Variants in POGLUT2 observed in about 807,000 individuals in gnomAD.
POGLUT2 encodes protein O-glucosyltransferase 2.
Under a neutral mutation model 57.6 loss-of-function variants are expected in POGLUT2, and 47 were observed. The ratio of observed to expected loss-of-function variants is 0.82; its 90% confidence interval spans 0.65 to 1.04. The LOEUF is 1.04. POGLUT2 is among the 50% of genes least tolerant of loss of function. The pLI is 0.00. For missense variants in POGLUT2, 565 were observed against 614.8 expected, an observed-to-expected ratio of 0.92 and a Z score of 0.86; for synonymous variants, 200 against 218.8, an observed-to-expected ratio of 0.91 and a Z score of 0.76.
At position 102,784,478 on chromosome 13, in the gene POGLUT2, A is replaced by G. The variant is rs757693702; in HGVS notation, c.*17T>C. 3 of 1,495,960 alleles carry G rather than the reference A, an allele frequency of 2.0e-6. No individual in the cohort carries two copies. 92.7% of individuals were successfully genotyped at this position (1,495,960 alleles called of 1,614,324 possible). A position where few individuals can be genotyped will look rare whatever the true frequency, so the allele number is the denominator to read the frequency against. On this transcript the variant is annotated 3_prime_UTR_variant, in exon 10 of 10. Transcript: ENST00000376004. ...GTCTTCAGAGCACCATTATTCTAAT[A>G]GAAGTTATTTTGCATATCAGAGTTC...
Position 102,796,998 on chromosome 13 carries a change from G to A in POGLUT2, c.194C>T (p.Ser65Phe). 1 of 1,611,912 alleles carries A rather than the reference G, an allele frequency of 6.2e-7. No individual in the cohort carries two copies. The highest frequency in any genetic ancestry group is 2.2e-5 in the East Asian group (1 of 44,842). The change falls in exon 2 of 10, where the codon TCT becomes TTT. Residue 65 changes from serine to phenylalanine, a missense_variant. Physicochemically the swap from Ser to Phe is radical, Grantham distance 155 (BLOSUM62 -2). Coordinates refer to ENST00000376004, the MANE Select transcript of POGLUT2 (RefSeq NM_024089.3). ...CACCTGGAAGACCTTTTCGCCTGGA[G>A]AAGATGTGAATCTGTGATGAAAAGG... ...VDTSGNKFTS[S>F]PGEKVFQVKV...
At chr13:102,796,309 A>AAAAAAAAAAAAT (rs1555319540) in intron 2 of POGLUT2, among the ~76,000 whole-genome samples, 3 of 125,984 alleles carry the variant, frequency 2.4e-5, no homozygotes, top group Non-Finnish European at 4.8e-5. Flanking sequence ...AAAAAAAAAA[A>AAAAAAAAAAAAT]AAATAAATAA....
At position 102,785,743 on chromosome 13, in the gene POGLUT2, A is replaced by T. The variant is rs145154150; in HGVS notation, c.1491+489T>A. Among the ~76,000 whole-genome samples, 307 of 152,334 alleles carry T rather than the reference A, an allele frequency of 2.0e-3. 3 individuals carry two copies. The highest frequency in any genetic ancestry group is 6.8e-3 in the Middle Eastern group (2 of 294). On this transcript the variant is annotated intron_variant, in intron 9 of 9. Transcript: ENST00000376004. The stretch of plus-strand genomic sequence containing the variant: ...GGTCCTTTCTACCTTAAAAGTCCAG[A>T]TGTGAATCTGACTTTCATTTTTATC...
chr13:102,795,529 C>T (rs1393408478), intron 2 of POGLUT2, among the ~76,000 whole-genome samples: 1 of 152,152 alleles, frequency 6.6e-6, no homozygotes, highest in African/African-American at 2.4e-5. Flanking sequence ...CACCACTGCA[C>T]TCCAGCCTGG....
At chr13:102,788,442 A>T (rs983477676) in intron 7 of POGLUT2, among the ~76,000 whole-genome samples, 2 of 152,192 alleles carry the variant, frequency 1.3e-5, no homozygotes, top group African/African-American at 4.8e-5. Flanking sequence ...TGAAAGAGAA[A>T]GTGTAATCAA....
At position 102,791,008 on chromosome 13, in the gene POGLUT2, G is replaced by A. The variant is rs761604887; in HGVS notation, c.976C>T (p.His326Tyr). ...RLELVKLSRKHPELIDAAFTN... is the reference protein window; with the variant it reads ...RLELVKLSRKYPELIDAAFTN... ...AAAGCAGCGTCTATGAGTTCTGGGT[G>A]TTTTCTACTGAGTTTAACCAGCTCG... Residue 326 changes from histidine to tyrosine, a missense_variant, in exon 6 of 10, where the codon CAC becomes TAC. Physicochemically the swap from His to Tyr is moderately conservative, Grantham distance 83. Transcript: ENST00000376004. The A allele has an allele frequency of 1.2e-6, 2 of 1,614,124 alleles. No homozygotes were observed. The highest frequency in any genetic ancestry group is 1.7e-5 in the Admixed American group (1 of 60,022).
At position 102,798,818 on chromosome 13, in the gene POGLUT2, C is replaced by T; in HGVS notation, c.-148G>A. 1 of 776,302 alleles carries T rather than the reference C, an allele frequency of 1.3e-6. No homozygotes were observed. The highest frequency in any genetic ancestry group is 1.9e-6 in the Non-Finnish European group (1 of 514,488). The allele number at this position is 776,302 out of a possible 1,614,324, so 48.1% of individuals were successfully genotyped here. A position where few individuals can be genotyped will look rare whatever the true frequency, so the allele number is the denominator to read the frequency against. On this transcript the variant is annotated 5_prime_UTR_variant, in exon 1 of 10. Transcript: ENST00000376004. ...GTTGCCGCCCGGCGTGCAGGGCAGG[C>T]GCGCGGGTCTCCGCGACCCCAGGAC...
chr13:102,797,655 T>C (rs1030570355), intron 1 of POGLUT2, among the ~76,000 whole-genome samples: 2 of 152,002 alleles, frequency 1.3e-5, no homozygotes, highest in South Asian at 2.1e-4. Flanking sequence ...GGTGGGAGGA[T>C]AGCTTCAGCC....
At chr13:102,792,127 A>ATT in intron 4 of POGLUT2, 1 of 1,254,728 alleles carries the variant, frequency 8.0e-7, no homozygotes, top group Non-Finnish European at 1.0e-6. Context: ...TATTGATGCT[A>ATT]TATAACTACC....
rs749119633 is a variant in POGLUT2, at chr13:102,788,998, G to A, written c.1293+14C>T. 27 of 1,604,312 alleles carry A rather than the reference G, an allele frequency of 1.7e-5. No homozygotes were observed. In the African/African-American group the frequency reaches 3.5e-4, roughly 21 times the overall value. On this transcript the variant is annotated intron_variant, in intron 7 of 9. Transcript: ENST00000376004. ...AAACAAGTGGAAATAAGCCTTCAAG[G>A]GGACTAACCTTACCTCTTCATCGTG...
At chr13:102,786,434 A>G (rs964063892) in intron 8 of POGLUT2, 95 bp from the exon 9 acceptor site, 32 of 824,334 alleles carry the variant, frequency 3.9e-5, no homozygotes, top group Non-Finnish European at 5.6e-5. Flanking sequence ...GATTCATTTA[A>G]CTCATGTGTG....
At position 102,797,062 on chromosome 13, in the gene POGLUT2, C is replaced by A. The variant is rs1031417054; in HGVS notation, c.183-53G>T. 7.2e-5 allele frequency: 91 copies of A among 1,265,182 alleles called. 1 individual carries two copies. The Admixed American group carries it at 1.6e-3, about 22-fold the overall frequency. 78.4% of individuals were successfully genotyped at this position (1,265,182 alleles called of 1,614,324 possible). A position where few individuals can be genotyped will look rare whatever the true frequency, so the allele number is the denominator to read the frequency against. Reference sequence around the variant, plus strand: ...AAACAGATTTTAACGAACAAACACACAAAGGTTATGCTCTTCAGTCTGGAA... The same window carrying A: ...AAACAGATTTTAACGAACAAACACAAAAAGGTTATGCTCTTCAGTCTGGAA... On this transcript the variant is annotated intron_variant, in intron 1 of 9. Transcript: ENST00000376004.
intron 4 of POGLUT2, among the ~76,000 whole-genome samples, chr13:102,792,751 A>G (rs2139095043): frequency 6.6e-6 from 1 of 152,278 alleles, no homozygotes; most frequent in South Asian, 2.1e-4. Context: ...AGGAAAGGAA[A>G]GGAAAGGATC....
chr13:102,784,479 G>C lies in POGLUT2; in HGVS notation c.*16C>G, dbSNP rs781672116. ...TCTTCAGAGCACCATTATTCTAATA[G>C]AAGTTATTTTGCATATCAGAGTTCA... On this transcript the variant is annotated 3_prime_UTR_variant, in exon 10 of 10. Transcript: ENST00000376004. 1 of 1,497,130 alleles carries C rather than the reference G, an allele frequency of 6.7e-7. No homozygotes were observed. The highest frequency in any genetic ancestry group is 1.1e-5 in the South Asian group (1 of 87,226). The allele number at this position is 1,497,130 out of a possible 1,614,324, so 92.7% of individuals were successfully genotyped here.
chr13:102,797,878 TAC>T (rs962986027), intron 1 of POGLUT2, among the ~76,000 whole-genome samples: 1 of 152,152 alleles, frequency 6.6e-6, no homozygotes, highest in Non-Finnish European at 1.5e-5. Context: ...CTGTATGAAA[TAC>T]ACACAGTCAG....
intron 8 of POGLUT2, among the ~76,000 whole-genome samples, chr13:102,787,236 G>A (rs1321185106): frequency 1.3e-5 from 2 of 151,818 alleles, no homozygotes; most frequent in Admixed American, 6.6e-5. Context: ...TAGTAGAGAC[G>A]GGGTTTCACC....
chr13:102,796,252 G>A (rs1409457649), intron 2 of POGLUT2, among the ~76,000 whole-genome samples: 4 of 143,306 alleles, frequency 2.8e-5, no homozygotes, highest in Non-Finnish European at 6.0e-5. Flanking sequence ...CCAAGACTGC[G>A]CCATTGCACT....
At chr13:102,786,436 T>C in intron 8 of POGLUT2, 97 bp from the exon 9 acceptor site, 1 of 807,326 alleles carries the variant, frequency 1.2e-6, no homozygotes. Context: ...TTCATTTAAC[T>C]CATGTGTGTC....
intron 2 of POGLUT2, among the ~76,000 whole-genome samples, chr13:102,794,553 T>C (rs575254415): frequency 6.6e-6 from 1 of 152,086 alleles, no homozygotes; most frequent in East Asian, 1.9e-4. Context: ...AAATCTCAGC[T>C]ACTCAGGAGG....
Sources: allele counts gnomAD v4.1 joint callset (sites outside exome capture counted in the v4.1 genomes callset), GRCh38; gene constraint gnomAD v4.1.1; transcripts MANE v1.5; gene names NCBI Gene and HGNC (gene_info 2026-07-23, HGNC 2026-07-21).